ALMS1: variants seen among roughly 807,000 people sequenced by gnomAD.
ALMS1 encodes the protein ALMS1 centrosome and basal body associated protein, also known as centrosome-associated protein ALMS1.
ALMS1 carries 271 observed loss-of-function variants against 352.2 expected under a neutral mutation model. The ratio of observed to expected loss-of-function variants is 0.77; its 90% confidence interval spans 0.70 to 0.85. The LOEUF is 0.85. ALMS1 is among the 40% of genes least tolerant of loss of function. ALMS1 has a pLI of 0.00. For missense variants in ALMS1, 5,445 were observed against 4,870.7 expected, an observed-to-expected ratio of 1.12 and a Z score of -3.51; for synonymous variants, 1,865 against 1,761.2, an observed-to-expected ratio of 1.06 and a Z score of -1.48.
chr2:73,387,195 G>A (rs1419033955), intron 1 of ALMS1, among the ~76,000 whole-genome samples: 1 of 152,068 alleles, frequency 6.6e-6, no homozygotes, highest in East Asian at 1.9e-4. Flanking sequence ...TATTCCAGGG[G>A]GTACTTAATT....
intron 10 of ALMS1, among the ~76,000 whole-genome samples, chr2:73,502,703 A>G (rs183447429): frequency 1.1e-3 from 165 of 152,214 alleles, no homozygotes; most frequent in Non-Finnish European, 2.0e-3. Flanking sequence ...ACATTGGTCC[A>G]GTTGATCAAC....
In ALMS1 at chr2:73,573,183, CAGAT is replaced by C. The variant is rs780252175; in HGVS notation, c.11310_11313del (p.Asp3770GlufsTer20). The C allele has an allele frequency of 5.0e-6, 8 of 1,612,900 alleles. No homozygotes were observed. Among genetic ancestry groups the C allele is most frequent in the South Asian group, 2.2e-5 (2 of 90,958 alleles). The stretch of plus-strand genomic sequence containing the variant: ...GTCGAATCAGATATATTGACCCAAA[CAGAT>C]AGAGAGGTGGCTCTGCACGAAAGGA... On this transcript the variant is annotated frameshift_variant, in exon 16 of 23. Coordinates refer to ENST00000613296, the MANE Select transcript of ALMS1 (RefSeq NM_001378454.1). LOFTEE classifies it high-confidence loss of function.
intron 6 of ALMS1, among the ~76,000 whole-genome samples, chr2:73,430,988 C>G (rs1214712333): frequency 6.6e-6 from 1 of 151,972 alleles, no homozygotes; most frequent in Non-Finnish European, 1.5e-5. Flanking sequence ...TAATTGAAAA[C>G]TATGAACTTT....
chr2:73,599,075 G>A (rs1398364302), intron 16 of ALMS1, among the ~76,000 whole-genome samples: 1 of 152,112 alleles, frequency 6.6e-6, no homozygotes, highest in East Asian at 1.9e-4. Context: ...TGAAAATTAT[G>A]TGCAGGTGTC....
chr2:73,609,559 C>A lies in ALMS1; in HGVS notation c.12463-9C>A. 1 of 1,614,062 alleles carries A rather than the reference C, an allele frequency of 6.2e-7. No homozygotes were observed. The highest frequency in any genetic ancestry group is 8.5e-7 in the Non-Finnish European group (1 of 1,179,948). On this transcript the variant is annotated splice_polypyrimidine_tract_variant and intron_variant, in intron 22 of 22. Transcript: ENST00000613296. ...CTAACTTCTTTCCTGCCTTTCTTTT[C>A]TTCTACAGAGAGTGACCAATCAACT...
chr2:73,492,688 AT>A (rs1044792562), intron 10 of ALMS1, among the ~76,000 whole-genome samples: 3 of 152,210 alleles, frequency 2.0e-5, no homozygotes, highest in African/African-American at 4.8e-5. Context: ...AACAAGGTCA[AT>A]CTCTGATTTC....
chr2:73,399,843 C>T lies in ALMS1; in HGVS notation c.325-8779C>T, dbSNP rs577328762. ...TCTATTCCTATTTTAATGAGAATAT[C>T]GTGAAGAGGTTGTCAAATGTTTTTT... On this transcript the variant is annotated intron_variant, in intron 1 of 22. Transcript: ENST00000613296. 1.1e-4 allele frequency among the ~76,000 whole-genome samples: 16 copies of T among 151,576 alleles called. No homozygotes were observed. In the East Asian group the frequency reaches 2.3e-3, roughly 22 times the overall value.
intron 10 of ALMS1, among the ~76,000 whole-genome samples, chr2:73,497,140 C>A (rs1049183337): frequency 9.9e-5 from 15 of 152,092 alleles, no homozygotes; most frequent in Non-Finnish European, 1.6e-4. Context: ...AAATATGCTC[C>A]TTCCTTCTGG....
chr2:73,551,992 T>C (rs554578421), intron 13 of ALMS1, among the ~76,000 whole-genome samples: 1 of 152,346 alleles, frequency 6.6e-6, no homozygotes, highest in East Asian at 1.9e-4. Context: ...TTAATGACTT[T>C]GTGTGATAGC....
At chr2:73,484,270 T>C (rs997706289) in intron 9 of ALMS1, among the ~76,000 whole-genome samples, 2 of 151,846 alleles carry the variant, frequency 1.3e-5, no homozygotes, top group African/African-American at 4.8e-5. Context: ...GCAGGCCTAG[T>C]GGTGACAAAA....
intron 6 of ALMS1, among the ~76,000 whole-genome samples, chr2:73,428,702 C>T (rs1225866836): frequency 6.6e-6 from 1 of 152,150 alleles, no homozygotes; most frequent in Non-Finnish European, 1.5e-5. Context: ...TGCTATTATT[C>T]CCTGTATTGT....
At chr2:73,533,450 G>A (rs1391541217) in intron 11 of ALMS1, among the ~76,000 whole-genome samples, 1 of 152,170 alleles carries the variant, frequency 6.6e-6, no homozygotes, top group African/African-American at 2.4e-5. Flanking sequence ...CCATTTCTGG[G>A]TCTAGAGTAA....
At chr2:73,550,836 GA>G (rs1274365477) in intron 13 of ALMS1, among the ~76,000 whole-genome samples, 1 of 151,634 alleles carries the variant, frequency 6.6e-6, no homozygotes, top group East Asian at 1.9e-4. Context: ...TAGCTGACAT[GA>G]TTTTTTTTTT....
At chr2:73,442,165 C>A (rs1467561142) in intron 7 of ALMS1, among the ~76,000 whole-genome samples, 1 of 152,030 alleles carries the variant, frequency 6.6e-6, no homozygotes, top group East Asian at 1.9e-4. Flanking sequence ...ATCTGAAAAA[C>A]CACAATCCAG....
chr2:73,407,403 A>C (rs1359313720), intron 1 of ALMS1, among the ~76,000 whole-genome samples: 8 of 152,206 alleles, frequency 5.3e-5, no homozygotes, highest in Non-Finnish European at 1.0e-4. Context: ...TGAGTTTTAG[A>C]GGGGACAGAT....
At chr2:73,461,762 G>T (rs1444669128) in intron 9 of ALMS1, among the ~76,000 whole-genome samples, 9 of 152,164 alleles carry the variant, frequency 5.9e-5, no homozygotes, top group Admixed American at 5.9e-4. Flanking sequence ...GTCCTTAAAG[G>T]AGCTGATGGA....
In ALMS1 at chr2:73,386,045, C is replaced by T. The variant is rs1211676851; in HGVS notation, c.177C>T (p.His59=). The change falls in exon 1 of 23, where the codon CAC becomes CAT. Residue 59 remains histidine (H), a synonymous_variant. Transcript: ENST00000613296. Reference sequence around the variant, plus strand: ...GGCGGGAGTTGGACTCCGACTCTCACTACGGGCCCCAGCATCTGGAAAGTA... The same window carrying T: ...GGCGGGAGTTGGACTCCGACTCTCATTACGGGCCCCAGCATCTGGAAAGTA... ...EAGRELDSDS[H]YGPQHLESID... is the part of the protein sequence containing the mutation. 4 of 1,575,924 alleles carry T rather than the reference C, an allele frequency of 2.5e-6. No individual in the cohort carries two copies. The highest frequency in any genetic ancestry group is 3.4e-6 in the Non-Finnish European group (4 of 1,161,222).
rs962042623 is a variant in ALMS1, at chr2:73,490,450, A to C, written c.8491A>C (p.Ser2831Arg). Reference sequence around the variant, plus strand: ...TGAGCCCAGTACCAGGGCAAATTGTAGCAATTTCAAGGAAATTCAGATTTC... The same window carrying C: ...TGAGCCCAGTACCAGGGCAAATTGTCGCAATTTCAAGGAAATTCAGATTTC... ...HSEPSTRANC[S>R]NFKEIQISDN... is the part of the protein sequence containing the mutation. The change falls in exon 10 of 23, where the codon AGC becomes CGC. Residue 2831 changes from serine to arginine, a missense_variant. Coordinates refer to ENST00000613296, the MANE Select transcript of ALMS1 (RefSeq NM_001378454.1). 6 of 1,614,082 alleles carry C rather than the reference A, an allele frequency of 3.7e-6. No homozygotes were observed. The highest frequency in any genetic ancestry group is 5.1e-6 in the Non-Finnish European group (6 of 1,180,054).
chr2:73,597,864 A>T (rs552099559), intron 16 of ALMS1, among the ~76,000 whole-genome samples: 1 of 151,710 alleles, frequency 6.6e-6, no homozygotes, highest in African/African-American at 2.4e-5. Context: ...CCTACTAAAC[A>T]TGCTCTGATT....
Sources: gnomAD v4.1 joint callset for allele counts (sites outside exome capture counted in the v4.1 genomes callset) on GRCh38, gnomAD v4.1.1 for gene constraint, MANE v1.5 for transcripts, NCBI Gene and HGNC (gene_info 2026-07-23, HGNC 2026-07-21) for gene names.